Variants in UBE3D observed in about 807,000 individuals in gnomAD.
UBE3D encodes E3 ubiquitin-protein ligase E3D.
A neutral mutation model predicts 49.6 loss-of-function variants in UBE3D; 48 were observed. The observed-to-expected ratio is 0.97, with a 90% CI of 0.77 to 1.23. UBE3D has a LOEUF of 1.23. Among genes scored for constraint, UBE3D ranks in the 50% most tolerant of loss-of-function variants. The probability of loss-of-function intolerance (pLI) is 0.00; values close to 1 mark genes in which losing one functional copy is unlikely to be tolerated. For missense variants in UBE3D, 452 were observed against 468.4 expected (o/e 0.96, Z 0.32); for synonymous variants, 189 against 174.2 (o/e 1.08, Z -0.67).
chr6:82,944,559 C>T, intron 9 of UBE3D, among the ~76,000 whole-genome samples: 1 of 152,194 alleles, frequency 6.6e-6, no homozygotes. Context: ...TGGTGAGAAA[C>T]TCCTTTTGCT....
chr6:83,012,395 C>A (rs893205718), intron 8 of UBE3D, among the ~76,000 whole-genome samples: 11 of 152,190 alleles, frequency 7.2e-5, no homozygotes, highest in Non-Finnish European at 1.5e-4. Context: ...TGGCAAATTG[C>A]GCGTTCAGCA....
intron 9 of UBE3D, among the ~76,000 whole-genome samples, chr6:82,956,918 A>G (rs1776195857): frequency 6.6e-6 from 1 of 152,208 alleles, no homozygotes; most frequent in Admixed American, 6.5e-5. Context: ...GCCTGAGCTC[A>G]GGAGTTCGAG....
chr6:83,053,076 G>C (rs1194236772), intron 3 of UBE3D, among the ~76,000 whole-genome samples: 1 of 147,654 alleles, frequency 6.8e-6, no homozygotes, highest in Admixed American at 6.8e-5. Flanking sequence ...CAAAGGCTTT[G>C]AATGTGGCCC....
chr6:83,063,068 G>A (rs763830119), intron 1 of UBE3D: 78 of 185,468 alleles, frequency 4.2e-4, no homozygotes, highest in Admixed American at 7.5e-4. Flanking sequence ...ATAAAAAAAC[G>A]ATAGAGTGGA....
At chr6:83,036,950 C>T (rs1782306461) in intron 5 of UBE3D, 1 of 151,772 alleles carries the variant, frequency 6.6e-6, no homozygotes, top group South Asian at 2.1e-4. Flanking sequence ...GTTGAATGTC[C>T]CCAAAGAATC....
intron 8 of UBE3D, among the ~76,000 whole-genome samples, chr6:82,993,457 T>C (rs1779035456): frequency 6.6e-6 from 1 of 152,218 alleles, no homozygotes; most frequent in African/African-American, 2.4e-5. Context: ...AAGTCCCTTA[T>C]GTAAAAATGA....
intron 9 of UBE3D, among the ~76,000 whole-genome samples, chr6:82,937,935 A>G (rs933452188): frequency 3.9e-5 from 6 of 152,122 alleles, no homozygotes; most frequent in African/African-American, 1.4e-4. Context: ...GGCAGCTGTT[A>G]GGGAGGTCTT....
At chr6:82,989,675 C>A (rs915381153) in intron 8 of UBE3D, among the ~76,000 whole-genome samples, 3 of 152,106 alleles carry the variant, frequency 2.0e-5, no homozygotes, top group Non-Finnish European at 4.4e-5. Context: ...TATAATTTGC[C>A]TACCCCTGAT....
intron 8 of UBE3D, among the ~76,000 whole-genome samples, chr6:82,989,754 T>C (rs1200195491): frequency 6.6e-6 from 1 of 152,196 alleles, no homozygotes; most frequent in Non-Finnish European, 1.5e-5. Flanking sequence ...TTTTACTTTT[T>C]AAAGCCCAAT....
chr6:82,947,103 A>G (rs1298502947), intron 9 of UBE3D, among the ~76,000 whole-genome samples: 2 of 151,974 alleles, frequency 1.3e-5, no homozygotes, highest in African/African-American at 2.4e-5. Flanking sequence ...AAAAAGATGG[A>G]AAAATATATT....
rs142578548 is a variant in UBE3D at position 83,012,711 on chromosome 6, T to A, written c.1010+6262A>T. ...TTTGTCACCAGTTTTCCAATCATGC[T>A]TCTTCCAAATGTCTGACCATGTCAA... On this transcript the variant is annotated intron_variant, in intron 8 of 9. Coordinates refer to ENST00000369747, the MANE Select transcript of UBE3D (RefSeq NM_198920.3). Among the ~76,000 whole-genome samples, 953 of 152,328 alleles carry A rather than the reference T, an allele frequency of 6.3e-3. 4 individuals carry two copies. The highest frequency in any genetic ancestry group is 0.021 in the African/African-American group (893 of 41,560).
At chr6:83,064,209 G>T (rs889558752) in intron 1 of UBE3D, among the ~76,000 whole-genome samples, 2 of 151,932 alleles carry the variant, frequency 1.3e-5, no homozygotes, top group East Asian at 1.9e-4. Context: ...GCAAAGTTAG[G>T]TTTCTTTTTT....
At chr6:83,063,220 A>G (rs1465737271) in intron 1 of UBE3D, 2 of 235,070 alleles carry the variant, frequency 8.5e-6, no homozygotes, top group Non-Finnish European at 8.8e-6. Context: ...CAAGACCAGC[A>G]TGGGCAATAT....
chr6:82,886,107 T>C, the UBE3D span, among the ~76,000 whole-genome samples: 1 of 152,218 alleles, frequency 6.6e-6, no homozygotes, highest in South Asian at 2.1e-4. Flanking sequence ...CTAATGACAG[T>C]ACTCATTTCC....
intron 9 of UBE3D, among the ~76,000 whole-genome samples, chr6:82,956,350 A>C (rs1360622599): frequency 6.6e-6 from 1 of 152,202 alleles, no homozygotes; most frequent in Admixed American, 6.5e-5. Flanking sequence ...TTAAGCCACA[A>C]GTTAACATTT....
intron 5 of UBE3D, among the ~76,000 whole-genome samples, chr6:83,026,033 A>G (rs1227266213): frequency 2.6e-5 from 4 of 152,258 alleles, no homozygotes; most frequent in Middle Eastern, 3.4e-3. Flanking sequence ...AAATACTGAA[A>G]ACAAATGTCT....
At chr6:83,031,850 C>T (rs1462577949) in intron 5 of UBE3D, among the ~76,000 whole-genome samples, 3 of 152,186 alleles carry the variant, frequency 2.0e-5, no homozygotes, top group Non-Finnish European at 2.9e-5. Flanking sequence ...AGGTACAGCT[C>T]GGGCCCCGGC....
intron 8 of UBE3D, among the ~76,000 whole-genome samples, chr6:82,959,245 C>G (rs1452827665): frequency 6.6e-6 from 1 of 151,642 alleles, no homozygotes; most frequent in Non-Finnish European, 1.5e-5. Flanking sequence ...CCCCACCCCC[C>G]TCAAAATCTG....
At chr6:83,050,421 C>T (rs1438721443) in intron 3 of UBE3D, among the ~76,000 whole-genome samples, 2 of 152,052 alleles carry the variant, frequency 1.3e-5, no homozygotes, top group Non-Finnish European at 2.9e-5. Context: ...GGAAACTGGA[C>T]CCCAGGAAAT....
Sources: allele counts gnomAD v4.1 joint callset (sites outside exome capture counted in the v4.1 genomes callset), GRCh38; gene constraint gnomAD v4.1.1; transcripts MANE v1.5; gene names NCBI Gene and HGNC (gene_info 2026-07-23, HGNC 2026-07-21).